The following DLGAP1 variants were observed in gnomAD, a reference collection of about 807,000 sequenced individuals.
DLGAP1 encodes the protein DLG associated protein 1, also known as disks large-associated protein 1.
Under a neutral mutation model 90.8 loss-of-function variants are expected in DLGAP1, and 11 were observed. That is an observed-to-expected ratio of 0.12 (90% CI 0.08 to 0.20). The LOEUF (loss-of-function observed/expected upper bound fraction) is 0.20. Ranked by LOEUF, DLGAP1 falls within the 10% of genes least tolerant of loss-of-function variation. The pLI is 1.00. For missense variants in DLGAP1, 1,050 were observed against 1,333.8 expected (o/e 0.79, Z 3.31); for synonymous variants, 558 against 540.7 (o/e 1.03, Z -0.44).
At chr18:3,912,393 G>A (rs1252430931) in intron 3 of DLGAP1, among the ~76,000 whole-genome samples, 2 of 151,982 alleles carry the variant, frequency 1.3e-5, no homozygotes, top group African/African-American at 4.8e-5. Flanking sequence ...CCTAATATGA[G>A]GCCTAGTGTG....
intron 2 of DLGAP1, among the ~76,000 whole-genome samples, chr18:4,081,361 A>G (rs909787652): frequency 1.3e-5 from 2 of 151,852 alleles, no homozygotes; most frequent in African/African-American, 4.8e-5. Flanking sequence ...TTGACCTTCC[A>G]ACAAACCTTC....
chr18:4,054,510 C>A (rs1475917576), intron 2 of DLGAP1, among the ~76,000 whole-genome samples: 1 of 152,274 alleles, frequency 6.6e-6, no homozygotes, highest in African/African-American at 2.4e-5. Context: ...CACAACAGTA[C>A]ACATAGACAG....
intron 9 of DLGAP1, among the ~76,000 whole-genome samples, chr18:3,534,978 C>T (rs899420577): frequency 2.0e-5 from 3 of 151,982 alleles, no homozygotes; most frequent in African/African-American, 7.2e-5. Flanking sequence ...AGGTGTGAGC[C>T]ACCGTGCCTG....
intron 7 of DLGAP1, among the ~76,000 whole-genome samples, chr18:3,675,029 A>G (rs991595105): frequency 6.6e-6 from 1 of 151,976 alleles, no homozygotes; most frequent in African/African-American, 2.4e-5. Context: ...CATCACCCCC[A>G]TTCATTAGCA....
At chr18:4,149,497 G>T (rs1054420472) in intron 2 of DLGAP1, among the ~76,000 whole-genome samples, 1 of 152,196 alleles carries the variant, frequency 6.6e-6, no homozygotes, top group Non-Finnish European at 1.5e-5. Context: ...CACTTTGGAT[G>T]TCAACCACAG....
chr18:3,719,894 A>T (rs1411263248), intron 7 of DLGAP1, among the ~76,000 whole-genome samples: 3 of 152,224 alleles, frequency 2.0e-5, no homozygotes, highest in Non-Finnish European at 4.4e-5. Context: ...ATTTTCATAA[A>T]TTTTAAAATT....
At chr18:4,222,268 T>C (rs954103446) in intron 1 of DLGAP1, among the ~76,000 whole-genome samples, 2 of 152,172 alleles carry the variant, frequency 1.3e-5, no homozygotes, top group African/African-American at 4.8e-5. Flanking sequence ...GCCCCAAACA[T>C]AATGCTTAAC....
intron 2 of DLGAP1, among the ~76,000 whole-genome samples, chr18:4,128,969 G>A (rs73386726): frequency 0.022 from 3,274 of 152,036 alleles, 129 homozygotes; most frequent in African/African-American, 0.075. Flanking sequence ...CTCAGTATTC[G>A]AGAATAAGTT....
chr18:3,906,391 G>A (rs1474262285), intron 3 of DLGAP1, among the ~76,000 whole-genome samples: 1 of 152,066 alleles, frequency 6.6e-6, no homozygotes, highest in Non-Finnish European at 1.5e-5. Context: ...TATAGTTGAA[G>A]TCCTTTCACA....
intron 3 of DLGAP1, chr18:3,894,706 T>A (rs1285313662): frequency 6.6e-6 from 1 of 152,228 alleles, no homozygotes; most frequent in Non-Finnish European, 1.5e-5. Context: ...ATTAAAAATA[T>A]GGAATGCTTC....
At chr18:4,393,325 T>C (rs2082375877) in intron 1 of DLGAP1, among the ~76,000 whole-genome samples, 1 of 152,234 alleles carries the variant, frequency 6.6e-6, no homozygotes, top group South Asian at 2.1e-4. Context: ...TCTCTCACTA[T>C]GCTTCAGCCA....
intron 7 of DLGAP1, chr18:3,596,938 G>C (rs1311178706): frequency 1.9e-6 from 1 of 519,916 alleles, no homozygotes; most frequent in African/African-American, 1.9e-5. Context: ...TCTGACACCA[G>C]CTGGTCCCCT....
At chr18:3,984,602 A>G (rs757168537) in intron 3 of DLGAP1, among the ~76,000 whole-genome samples, 2 of 151,988 alleles carry the variant, frequency 1.3e-5, no homozygotes, top group Non-Finnish European at 1.5e-5. Context: ...TTCTTTCCCA[A>G]TGCTTCTCAC....
chr18:4,245,437 A>T (rs1203612781), intron 1 of DLGAP1, among the ~76,000 whole-genome samples: 1 of 152,218 alleles, frequency 6.6e-6, no homozygotes, highest in Non-Finnish European at 1.5e-5. Context: ...GAAGTAAGGG[A>T]TTTCAGAAAA....
Position 3,856,735 on chromosome 18 carries a change from G to C in DLGAP1, c.957+22377C>G, listed in dbSNP as rs867469451. On this transcript the variant is annotated intron_variant, in intron 4 of 12. Transcript: ENST00000315677. ...AATTAGCCGGGTGTGGTGGCAGGCA[G>C]CTGTAGTCCCAGCTACTCGGGAGGC... is the stretch of plus-strand genomic sequence containing the variant. Among the ~76,000 whole-genome samples, 365 of 151,870 alleles carry C rather than the reference G, an allele frequency of 2.4e-3. 4 individuals are homozygous for C. Among genetic ancestry groups the C allele is most frequent in the African/African-American group, 7.9e-3 (327 of 41,450 alleles).
chr18:3,807,740 C>T (rs956709471), intron 5 of DLGAP1, among the ~76,000 whole-genome samples: 4 of 152,218 alleles, frequency 2.6e-5, no homozygotes, highest in African/African-American at 9.7e-5. Context: ...CTGATGCTCT[C>T]TCCCTCCCCC....
At position 4,413,192 on chromosome 18, in the gene DLGAP1, T is replaced by C. The variant is rs531165052; in HGVS notation, c.-267+41814A>G. ...CTAACAGAGGATGTGGGGAATCTAG[T>C]ATTGGTAGGAGAGAAAGGACATGAG... On this transcript the variant is annotated intron_variant, in intron 1 of 12. Transcript: ENST00000315677. Among the ~76,000 whole-genome samples the C allele has an allele frequency of 5.7e-4, 87 of 152,034 alleles. 1 individual carries two copies. The highest frequency in any genetic ancestry group is 1.8e-3 in the Admixed American group (27 of 15,252).
chr18:4,329,173 G>C (rs1011093844), intron 1 of DLGAP1, among the ~76,000 whole-genome samples: 1 of 151,862 alleles, frequency 6.6e-6, no homozygotes, highest in Admixed American at 6.6e-5. Context: ...CTATAAACCA[G>C]TTTGAATTGT....
At chr18:4,111,680 C>A (rs2075975415) in intron 2 of DLGAP1, among the ~76,000 whole-genome samples, 1 of 151,964 alleles carries the variant, frequency 6.6e-6, no homozygotes, top group Non-Finnish European at 1.5e-5. Flanking sequence ...TCGTGTTTTT[C>A]TAGGAATTTG....
Sources: allele counts gnomAD v4.1 joint callset (sites outside exome capture counted in the v4.1 genomes callset), GRCh38; gene constraint gnomAD v4.1.1; transcripts MANE v1.5; gene names NCBI Gene and HGNC (gene_info 2026-07-23, HGNC 2026-07-21).